The following KIAA0825 variants were observed in gnomAD, a reference collection of about 807,000 sequenced individuals.
KIAA0825 encodes KIAA0825.
A neutral mutation model predicts 147.6 loss-of-function variants in KIAA0825; 119 were observed. That is an observed-to-expected ratio of 0.81 (90% confidence interval 0.69 to 0.94). The LOEUF (loss-of-function observed/expected upper bound fraction) is 0.94, where lower values mean the gene tolerates loss of function less well. Among genes scored for constraint, KIAA0825 ranks in the 40% least tolerant of loss-of-function variants. KIAA0825 has a pLI of 0.00. For synonymous variants in KIAA0825, 470 were observed against 518.1 expected (o/e 0.91, Z 1.26); for missense variants, 1,381 against 1,472.7 (o/e 0.94, Z 1.02).
intron 20 of KIAA0825, among the ~76,000 whole-genome samples, chr5:94,372,942 T>A (rs185862819): frequency 6.6e-6 from 1 of 152,252 alleles, no homozygotes; most frequent in Non-Finnish European, 1.5e-5. Context: ...AGTTCAAAGT[T>A]CCACAGATCT....
intron 3 of KIAA0825, among the ~76,000 whole-genome samples, chr5:94,531,127 A>T (rs1770712100): frequency 6.6e-6 from 1 of 152,128 alleles, no homozygotes; most frequent in East Asian, 1.9e-4. Flanking sequence ...GCTATACTGT[A>T]CTTAAAAAAA....
intron 15 of KIAA0825, among the ~76,000 whole-genome samples, chr5:94,412,089 C>G (rs984107553): frequency 6.6e-6 from 1 of 152,090 alleles, no homozygotes; most frequent in Non-Finnish European, 1.5e-5. Flanking sequence ...AATTTATGTG[C>G]AATATATATA....
chr5:94,334,199 A>C (rs1781562268), intron 20 of KIAA0825, among the ~76,000 whole-genome samples: 1 of 152,248 alleles, frequency 6.6e-6, no homozygotes, highest in African/African-American at 2.4e-5. Flanking sequence ...CAGGAATAAA[A>C]AAAGTTGTCT....
intron 3 of KIAA0825, among the ~76,000 whole-genome samples, 173 bp downstream of exon 3, chr5:94,536,823 T>C (rs1772121501): frequency 6.6e-6 from 1 of 152,106 alleles, no homozygotes; most frequent in African/African-American, 2.4e-5. Flanking sequence ...ACTACTCAGA[T>C]AAAGACAATC....
intron 12 of KIAA0825, among the ~76,000 whole-genome samples, chr5:94,461,767 A>G (rs1273269039): frequency 2.1e-4 from 32 of 151,934 alleles, no homozygotes; most frequent in Non-Finnish European, 8.8e-5. Context: ...ACAATTATTT[A>G]GTTAAAAAAT....
At chr5:94,544,716 C>A (rs899651619) in intron 2 of KIAA0825, among the ~76,000 whole-genome samples, 5 of 152,074 alleles carry the variant, frequency 3.3e-5, no homozygotes, top group Non-Finnish European at 5.9e-5. Context: ...CTTTTAATGT[C>A]TCATACTAAG....
Position 94,216,292 on chromosome 5 carries a change from T to C in KIAA0825, c.3711-62168A>G, listed in dbSNP as rs1039160391. On this transcript the variant is annotated intron_variant, in intron 20 of 20. Coordinates refer to ENST00000682413, the MANE Select transcript of KIAA0825 (RefSeq NM_001145678.3). Reference sequence around the variant, plus strand: ...TGTTCAAGGAAGATCACTGTGGAAGTAAATGGAAGGGATTTGGCCTGAATC... The same window carrying C: ...TGTTCAAGGAAGATCACTGTGGAAGCAAATGGAAGGGATTTGGCCTGAATC... Among the ~76,000 whole-genome samples the C allele has an allele frequency of 9.2e-5, 14 of 152,132 alleles. 1 individual carries two copies. The highest frequency in any genetic ancestry group is 2.1e-4 in the Non-Finnish European group (14 of 68,014).
chr5:94,537,963 A>G lies in KIAA0825; in HGVS notation c.-1-836T>C, dbSNP rs560804115. Among the ~76,000 whole-genome samples the G allele has an allele frequency of 5.9e-5, 9 of 152,190 alleles. No homozygotes were observed. The South Asian group carries it at 1.9e-3, about 32-fold the overall frequency. On this transcript the variant is annotated intron_variant, in intron 2 of 20. Coordinates refer to ENST00000682413, the MANE Select transcript of KIAA0825 (RefSeq NM_001145678.3). Reference sequence around the variant, plus strand: ...CCTCAGCATGGATACCTAACTAAAAACTGAATGATATGATACTCCTTCTTG... The same window carrying G: ...CCTCAGCATGGATACCTAACTAAAAGCTGAATGATATGATACTCCTTCTTG...
intron 13 of KIAA0825, among the ~76,000 whole-genome samples, chr5:94,452,343 G>A (rs1410915700): frequency 2.0e-5 from 3 of 152,152 alleles, no homozygotes; most frequent in African/African-American, 7.2e-5. Context: ...GATGAATCAA[G>A]AATGTATGGG....
chr5:94,466,526 T>C (rs958253146), intron 10 of KIAA0825, among the ~76,000 whole-genome samples: 1 of 151,968 alleles, frequency 6.6e-6, no homozygotes, highest in South Asian at 2.1e-4. Context: ...GAGACCATCA[T>C]GGCTAACACT....
At chr5:94,169,683 A>G (rs1768422164) in intron 20 of KIAA0825, among the ~76,000 whole-genome samples, 1 of 152,142 alleles carries the variant, frequency 6.6e-6, no homozygotes, top group African/African-American at 2.4e-5. Context: ...TAAAGATCCC[A>G]AAGTTCATTC....
chr5:94,462,089 C>A (rs188962994), intron 12 of KIAA0825, among the ~76,000 whole-genome samples: 2 of 152,016 alleles, frequency 1.3e-5, no homozygotes, highest in African/African-American at 2.4e-5. Flanking sequence ...ATAATTTGAT[C>A]ATTTAAACAA....
rs554908753 is a variant in KIAA0825 at position 94,476,667 on chromosome 5, C to G, written c.1227+444G>C. Among the ~76,000 whole-genome samples, 6 of 152,210 alleles carry G rather than the reference C, an allele frequency of 3.9e-5. No individual in the cohort carries two copies. The East Asian group carries it at 1.2e-3, about 29-fold the overall frequency. On this transcript the variant is annotated intron_variant, in intron 7 of 20. Coordinates refer to ENST00000682413, the MANE Select transcript of KIAA0825 (RefSeq NM_001145678.3). ...GTCCCAGAATCCGAAAGCAAGGGGG[C>G]CTGGAAAGTGTAATTCTCTACAATC...
chr5:94,216,301 G>A (rs997648837), intron 20 of KIAA0825, among the ~76,000 whole-genome samples: 1 of 152,180 alleles, frequency 6.6e-6, no homozygotes, highest in African/African-American at 2.4e-5. Context: ...GTAAATGGAA[G>A]GGATTTGGCC....
chr5:94,190,834 A>G (rs1770619096), intron 20 of KIAA0825, among the ~76,000 whole-genome samples: 1 of 152,150 alleles, frequency 6.6e-6, no homozygotes, highest in Non-Finnish European at 1.5e-5. Context: ...TGATAATAGT[A>G]TCATTAAAAA....
chr5:94,184,744 AT>A (rs1398429831), intron 20 of KIAA0825, among the ~76,000 whole-genome samples: 1 of 152,200 alleles, frequency 6.6e-6, no homozygotes, highest in Non-Finnish European at 1.5e-5. Flanking sequence ...TCTTTAAAAA[AT>A]ATTAGGGTTT....
At chr5:94,354,368 T>C (rs910234765) in intron 20 of KIAA0825, among the ~76,000 whole-genome samples, 1 of 152,116 alleles carries the variant, frequency 6.6e-6, no homozygotes, top group Non-Finnish European at 1.5e-5. Flanking sequence ...TATGGATTAG[T>C]AATCAGAATA....
chr5:94,464,626 G>C (rs1760256298), intron 11 of KIAA0825, among the ~76,000 whole-genome samples: 1 of 152,064 alleles, frequency 6.6e-6, no homozygotes, highest in African/African-American at 2.4e-5. Flanking sequence ...AGGACACCTT[G>C]AATCATTTTT....
At chr5:94,470,213 C>G (rs147198817) in intron 9 of KIAA0825, 102 bp from the exon 10 acceptor site, 1 of 704,640 alleles carries the variant, frequency 1.4e-6, no homozygotes, top group African/African-American at 1.8e-5. Flanking sequence ...AGATATCAAT[C>G]ATTCATTTCC....
Sources: allele counts gnomAD v4.1 joint callset (sites outside exome capture counted in the v4.1 genomes callset), GRCh38; gene constraint gnomAD v4.1.1; transcripts MANE v1.5; gene names NCBI Gene and HGNC (gene_info 2026-07-23, HGNC 2026-07-21).